NAA35: variants seen among roughly 807,000 people sequenced by gnomAD.
NAA35 encodes N-alpha-acetyltransferase 35, NatC auxiliary subunit.
In NAA35, 18 loss-of-function variants were observed where a neutral mutation model predicts 101.7. The ratio of observed to expected loss-of-function variants is 0.18; its 90% CI spans 0.12 to 0.26. NAA35 has a LOEUF of 0.26. Among genes scored for constraint, NAA35 ranks in the 10% least tolerant of loss-of-function variants. The pLI, the probability that NAA35 is intolerant of heterozygous loss-of-function variation, is 1.00. For synonymous variants in NAA35, 267 were observed against 273.1 expected, an observed-to-expected ratio of 0.98 and a Z score of 0.22; for missense variants, 601 against 886.8, an observed-to-expected ratio of 0.68 and a Z score of 4.09.
At chr9:85,990,750 T>C (rs1830866279) in intron 11 of NAA35, among the ~76,000 whole-genome samples, 1 of 152,210 alleles carries the variant, frequency 6.6e-6, no homozygotes, top group African/African-American at 2.4e-5. Context: ...GGAGCCTGCC[T>C]TAGGGATGAT....
At chr9:86,013,286 C>T (rs1407660505) in intron 16 of NAA35, 142 bp downstream of exon 16, 22 of 478,494 alleles carry the variant, frequency 4.6e-5, no homozygotes, top group South Asian at 3.7e-4. Flanking sequence ...CAGTTTCTTA[C>T]ACCAACGTTT....
At chr9:85,970,197 C>G (rs547794925) in intron 6 of NAA35, among the ~76,000 whole-genome samples, 14 of 152,066 alleles carry the variant, frequency 9.2e-5, no homozygotes, top group Non-Finnish European at 1.5e-5. Context: ...ATGTATAGTT[C>G]GATTTAGTGT....
rs151101469 is a variant in NAA35, at chr9:85,942,544, CTG to C, written c.124+264_124+265del. Among the ~76,000 whole-genome samples, 1,092 of 152,306 alleles carry C rather than the reference CTG, an allele frequency of 7.2e-3. 6 individuals carry two copies. Among genetic ancestry groups the C allele is most frequent in the South Asian group, 0.011 (55 of 4,828 alleles). ...GGTTAGAGAGAGCAGTAATTTCTAA[CTG>C]TGGAAAACACTTTGTTAATCTAAAA... On this transcript the variant is annotated intron_variant, in intron 2 of 22. Coordinates refer to ENST00000361671, the MANE Select transcript of NAA35 (RefSeq NM_024635.4).
chr9:86,016,762 AT>A (rs1832247651), intron 18 of NAA35, 87 bp downstream of exon 18: 1 of 1,369,438 alleles, frequency 7.3e-7, no homozygotes, highest in Admixed American at 2.1e-5. Flanking sequence ...TGAGTTGGTC[AT>A]TATATTTTAG....
chr9:85,942,729 C>A (rs927240431), intron 2 of NAA35, among the ~76,000 whole-genome samples: 1 of 152,194 alleles, frequency 6.6e-6, no homozygotes, highest in African/African-American at 2.4e-5. Context: ...ACTCAGGTTT[C>A]ATTTATGTGC....
chr9:85,962,844 A>C (rs1271501400), intron 6 of NAA35, among the ~76,000 whole-genome samples: 1 of 152,238 alleles, frequency 6.6e-6, no homozygotes, highest in Non-Finnish European at 1.5e-5. Flanking sequence ...AAGGGAGCTA[A>C]GGAGAACAAA....
chr9:85,954,744 T>G (rs1201545215), intron 2 of NAA35, among the ~76,000 whole-genome samples: 1 of 152,172 alleles, frequency 6.6e-6, no homozygotes, highest in Non-Finnish European at 1.5e-5. Flanking sequence ...CTTTTTACCT[T>G]CCTATCATTG....
intron 14 of NAA35, among the ~76,000 whole-genome samples, chr9:86,007,900 A>G (rs745373800): frequency 6.6e-6 from 1 of 152,210 alleles, no homozygotes; most frequent in East Asian, 1.9e-4. Flanking sequence ...TACACCTAAC[A>G]GTGTATCTTT....
intron 5 of NAA35, among the ~76,000 whole-genome samples, chr9:85,960,363 T>TTC (rs1048047450): frequency 6.6e-6 from 1 of 152,020 alleles, no homozygotes; most frequent in Non-Finnish European, 1.5e-5. Context: ...TTCTACTGCT[T>TTC]CCCCCCCGCC....
In NAA35 at chr9:85,977,388, G is replaced by A; in HGVS notation, c.704G>A (p.Ser235Asn). Residue 235 changes from serine to asparagine, a missense_variant, in exon 10 of 23, where the codon AGC becomes AAC. Ser to Asn is a conservative substitution (Grantham distance 46). Coordinates refer to ENST00000361671, the MANE Select transcript of NAA35 (RefSeq NM_024635.4). ...CACCAACAATGTTTAGCAGTATTCA[G>A]CAGAGTGAAATTTACTCGTGTGTTA... is the stretch of plus-strand genomic sequence containing the variant. ...LEHQQCLAVFSRVKFTRVLLT... is the reference protein window; with the variant it reads ...LEHQQCLAVFNRVKFTRVLLT... 1.2e-6 allele frequency: 2 copies of A among 1,612,294 alleles called. No individual in the cohort carries two copies. The highest frequency in any genetic ancestry group is 1.7e-6 in the Non-Finnish European group (2 of 1,178,762).
intron 12 of NAA35, among the ~76,000 whole-genome samples, chr9:86,003,331 C>T (rs894397310): frequency 2.0e-5 from 3 of 152,068 alleles, no homozygotes; most frequent in Non-Finnish European, 4.4e-5. Context: ...TTATGGTATA[C>T]AAATTTAATA....
intron 11 of NAA35, among the ~76,000 whole-genome samples, chr9:85,988,090 C>T (rs1414153491): frequency 1.3e-5 from 2 of 152,194 alleles, no homozygotes; most frequent in Admixed American, 6.5e-5. Context: ...AAAAGAAACA[C>T]ATGCACACGG....
intron 12 of NAA35, among the ~76,000 whole-genome samples, chr9:85,999,462 T>C (rs1267634550): frequency 1.3e-5 from 2 of 152,238 alleles, no homozygotes; most frequent in African/African-American, 2.4e-5. Context: ...AAATGGACTT[T>C]AAAATAATTT....
intron 15 of NAA35, among the ~76,000 whole-genome samples, chr9:86,012,072 C>A (rs1050318823): frequency 6.7e-6 from 1 of 148,208 alleles, no homozygotes; most frequent in Non-Finnish European, 1.5e-5. Context: ...TCATTTTTAT[C>A]ATTAATATTT....
In NAA35 at chr9:86,018,366, C is replaced by A; in HGVS notation, c.1885C>A (p.Pro629Thr). 6.2e-7 allele frequency: 1 copy of A among 1,613,582 alleles called. No homozygotes were observed. The highest frequency in any genetic ancestry group is 8.5e-7 in the Non-Finnish European group (1 of 1,179,594). Residue 629 changes from proline to threonine, a missense_variant, in exon 20 of 23, where the codon CCG becomes ACG. By Grantham distance (38) the Pro-to-Thr change is conservative. Around this residue, in one of 8 missense-constraint regions of NAA35, gnomAD observed 90 missense variants for 108.7 expected, o/e 0.83. Transcript: ENST00000361671. ...TGCTCCATTCAACAGTGTGATGACC[C>A]CGCCGCCAGTGCACTACTTACAGTT... ...RFAPFNSVMT[P>T]PPVHYLQFKE...
chr9:85,986,607 G>A (rs960770875), intron 11 of NAA35: 8 of 357,268 alleles, frequency 2.2e-5, no homozygotes, highest in East Asian at 1.6e-4. Context: ...TTTTTGAGAC[G>A]AAGTTTCACT....
chr9:85,996,596 T>C lies in NAA35; in HGVS notation c.1056+19T>C. ...TATCCTGGTAAGTACAAATCTCTGT[T>C]CCAGAATGTAACTTCCATTTAAAAA... On this transcript the variant is annotated intron_variant, in intron 12 of 22. Coordinates refer to ENST00000361671, the MANE Select transcript of NAA35 (RefSeq NM_024635.4). The C allele has an allele frequency of 6.7e-7, 1 of 1,500,668 alleles. No homozygotes were observed. The highest frequency in any genetic ancestry group is 1.4e-5 in the African/African-American group (1 of 69,516). 93.0% of individuals were successfully genotyped at this position (1,500,668 alleles called of 1,614,324 possible). A position where few individuals can be genotyped will look rare whatever the true frequency, so the allele number is the denominator to read the frequency against.
In NAA35 at chr9:85,941,171, C is replaced by T; in HGVS notation, c.-108C>T. ...ATACGCATGCGTGCACGCTGCCGGTCGGGCTGGGCTGAGAGGGGAGGGGGC... is the reference window on the plus strand; with the variant it reads ...ATACGCATGCGTGCACGCTGCCGGTTGGGCTGGGCTGAGAGGGGAGGGGGC... On this transcript the variant is annotated 5_prime_UTR_variant, in exon 1 of 23. Transcript: ENST00000361671. The T allele has an allele frequency of 1.0e-6, 1 of 985,690 alleles. No homozygotes were observed. Among genetic ancestry groups the T allele is most frequent in the Non-Finnish European group, 1.2e-6 (1 of 830,136 alleles). The allele number at this position is 985,690 out of a possible 1,614,324, so 61.1% of individuals were successfully genotyped here.
At chr9:86,005,447 T>A (rs984984978) in intron 13 of NAA35, among the ~76,000 whole-genome samples, 9 of 152,188 alleles carry the variant, frequency 5.9e-5, no homozygotes, top group Non-Finnish European at 1.3e-4. Context: ...GATGCCCACT[T>A]CGCTCTTACT....
Sources: allele counts gnomAD v4.1 joint callset (sites outside exome capture counted in the v4.1 genomes callset), GRCh38; gene constraint gnomAD v4.1.1; regional missense constraint gnomAD v4.1.1; transcripts MANE v1.5; gene names NCBI Gene and HGNC (gene_info 2026-07-23, HGNC 2026-07-21).